The following PAK1 variants were observed in gnomAD, a reference collection of about 807,000 sequenced individuals.
PAK1 encodes serine/threonine-protein kinase PAK 1.
A neutral mutation model predicts 67.4 loss-of-function variants in PAK1; 29 were observed. The ratio of observed to expected loss-of-function variants is 0.43; its 90% confidence interval spans 0.32 to 0.59. PAK1 has a LOEUF of 0.59. Ranked by LOEUF, PAK1 falls within the 20% of genes least tolerant of loss-of-function variation. The probability of loss-of-function intolerance (pLI) is 0.07; values close to 1 mark genes in which losing one functional copy is unlikely to be tolerated. For missense variants in PAK1, 337 were observed against 670.7 expected, an observed-to-expected ratio of 0.50 and a Z score of 5.50; for synonymous variants, 223 against 237.4, an observed-to-expected ratio of 0.94 and a Z score of 0.56.
At chr11:77,517,398 T>C in the PAK1 span, among the ~76,000 whole-genome samples, 1 of 152,204 alleles carries the variant, frequency 6.6e-6, no homozygotes, top group Non-Finnish European at 1.5e-5. Flanking sequence ...GGCAGCCCTA[T>C]GCAAACACAC....
At chr11:77,471,526 C>A (rs1957853261) in intron 1 of PAK1, among the ~76,000 whole-genome samples, 2 of 152,110 alleles carry the variant, frequency 1.3e-5, no homozygotes, top group Admixed American at 1.3e-4. Flanking sequence ...AGAGGCCCAA[C>A]AAGGTCATCT....
intron 1 of PAK1, among the ~76,000 whole-genome samples, chr11:77,396,654 C>T (rs1002359083): frequency 6.6e-5 from 10 of 152,336 alleles, no homozygotes; most frequent in Middle Eastern, 3.4e-3. Context: ...CCAGACAGAA[C>T]TTTAGATACC....
At chr11:77,465,418 G>A (rs1383415095) in intron 1 of PAK1, among the ~76,000 whole-genome samples, 1 of 151,950 alleles carries the variant, frequency 6.6e-6, no homozygotes, top group African/African-American at 2.4e-5. Flanking sequence ...AAACAGTAAA[G>A]CACAAAAATT....
the PAK1 span, among the ~76,000 whole-genome samples, chr11:77,528,477 G>A: frequency 2.6e-5 from 4 of 151,772 alleles, no homozygotes; most frequent in African/African-American, 4.8e-5. Context: ...CTCCCACCTC[G>A]GCGTCCTCAG....
intron 1 of PAK1, among the ~76,000 whole-genome samples, chr11:77,428,010 T>C (rs907606215): frequency 1.3e-5 from 2 of 152,166 alleles, no homozygotes; most frequent in Non-Finnish European, 2.9e-5. Flanking sequence ...CCAGTGGCGA[T>C]AGTTGGAGTG....
At chr11:77,344,517 G>A (rs1167371344) in intron 9 of PAK1, among the ~76,000 whole-genome samples, 1 of 152,100 alleles carries the variant, frequency 6.6e-6, no homozygotes, top group African/African-American at 2.4e-5. Context: ...TGAATATATG[G>A]TATACGTTAG....
intron 1 of PAK1, among the ~76,000 whole-genome samples, chr11:77,436,032 A>G (rs938452705): frequency 6.6e-5 from 10 of 152,176 alleles, no homozygotes; most frequent in African/African-American, 2.4e-4. Flanking sequence ...AAGAAGGGTT[A>G]AAGTAGCTAC....
At chr11:77,434,871 G>A (rs184295051) in intron 1 of PAK1, among the ~76,000 whole-genome samples, 24 of 151,994 alleles carry the variant, frequency 1.6e-4, no homozygotes, top group Admixed American at 1.2e-3. Flanking sequence ...TGCCTACCTC[G>A]GCCTCTCAAA....
intron 5 of PAK1, among the ~76,000 whole-genome samples, chr11:77,359,745 T>A (rs1375895988): frequency 1.3e-5 from 2 of 151,880 alleles, no homozygotes; most frequent in Admixed American, 1.3e-4. Context: ...GGGCCAAGAG[T>A]GGCAGGTTTT....
At position 77,429,543 on chromosome 11, in the gene PAK1, G is replaced by A. The variant is rs745660549; in HGVS notation, c.-21-37002C>T. 2.2e-4 allele frequency among the ~76,000 whole-genome samples: 33 copies of A among 152,140 alleles called. 1 individual carries two copies. The highest frequency in any genetic ancestry group is 6.5e-5 in the Admixed American group (1 of 15,282). On this transcript the variant is annotated intron_variant, in intron 1 of 14. Coordinates refer to ENST00000356341, the MANE Select transcript of PAK1 (RefSeq NM_002576.5). ...ACCATCTAAAAGGATGCAATGAAAC[G>A]AATACAGCACCAGTTCTGTAATATT...
chr11:77,393,777 C>T (rs1351578283), intron 1 of PAK1, among the ~76,000 whole-genome samples: 3 of 152,016 alleles, frequency 2.0e-5, no homozygotes, highest in South Asian at 4.1e-4. Flanking sequence ...CAAAGGCAGG[C>T]GGATCACTTG....
chr11:77,362,766 A>AC lies in PAK1; in HGVS notation c.478-3750_478-3749insG, dbSNP rs1255813935. ...AAAGTGCTCAGTATAGGATTGCTAA[A>AC]TGAATATGTCTTATCCAATAGTAGT... On this transcript the variant is annotated intron_variant, in intron 5 of 14. Coordinates refer to ENST00000356341, the MANE Select transcript of PAK1 (RefSeq NM_002576.5). Among the ~76,000 whole-genome samples, 471 of 152,328 alleles carry AC rather than the reference A, an allele frequency of 3.1e-3. 4 individuals are homozygous for AC. The highest frequency in any genetic ancestry group is 0.011 in the African/African-American group (441 of 41,572).
At chr11:77,372,430 CAG>C (rs918603383) in intron 5 of PAK1, among the ~76,000 whole-genome samples, 10 of 152,120 alleles carry the variant, frequency 6.6e-5, no homozygotes, top group Non-Finnish European at 2.9e-5. Flanking sequence ...TGTGAGGATT[CAG>C]AGAGTCAGTA....
At chr11:77,499,307 C>T in the PAK1 span, among the ~76,000 whole-genome samples, 2 of 152,148 alleles carry the variant, frequency 1.3e-5, no homozygotes, top group Non-Finnish European at 2.9e-5. Context: ...AAGCAATCCT[C>T]GCAGTTTGGC....
intron 5 of PAK1, among the ~76,000 whole-genome samples, chr11:77,365,824 C>T (rs1206386121): frequency 6.7e-6 from 1 of 149,946 alleles, no homozygotes; most frequent in Admixed American, 6.6e-5. Context: ...CAGAGCGAGA[C>T]TCCGTCTCAG....
At chr11:77,478,498 C>A (rs1211199975), upstream of PAK1, among the ~76,000 whole-genome samples, 1 of 152,056 alleles carries the variant, frequency 6.6e-6, no homozygotes, top group Non-Finnish European at 1.5e-5. Flanking sequence ...TCTGGCCTGG[C>A]ACGGTGGCCC....
intron 8 of PAK1, among the ~76,000 whole-genome samples, chr11:77,351,476 T>C (rs1052453344): frequency 2.0e-5 from 3 of 152,086 alleles, no homozygotes; most frequent in African/African-American, 7.2e-5. Context: ...TTTCACTACC[T>C]AAAGGAAATA....
At chr11:77,470,275 T>C (rs2135564769) in intron 1 of PAK1, among the ~76,000 whole-genome samples, 1 of 152,114 alleles carries the variant, frequency 6.6e-6, no homozygotes, top group Admixed American at 6.5e-5. Flanking sequence ...AAAATGATGC[T>C]TGTTTGACAA....
chr11:77,333,347 G>C (rs1369050891), intron 13 of PAK1, among the ~76,000 whole-genome samples: 2 of 151,954 alleles, frequency 1.3e-5, no homozygotes, highest in Non-Finnish European at 2.9e-5. Flanking sequence ...ACAGGCACCA[G>C]CCACTACACC....
Sources: gnomAD v4.1 joint callset for allele counts (sites outside exome capture counted in the v4.1 genomes callset) on GRCh38, gnomAD v4.1.1 for gene constraint, MANE v1.5 for transcripts, NCBI Gene and HGNC (gene_info 2026-07-23, HGNC 2026-07-21) for gene names.